The following CFAP20DC variants were observed in gnomAD, a reference collection of about 807,000 sequenced individuals.
The protein encoded by CFAP20DC is CFAP20 domain containing.
A neutral mutation model predicts 101.7 loss-of-function variants in CFAP20DC; 84 were observed. That is an observed-to-expected ratio of 0.83 (90% CI 0.69 to 0.99). CFAP20DC has a LOEUF of 0.99. Ranked by LOEUF, CFAP20DC falls within the 50% of genes least tolerant of loss-of-function variation. CFAP20DC has a pLI of 0.00. For synonymous variants in CFAP20DC, 359 were observed against 351.2 expected (o/e 1.02, Z -0.25); for missense variants, 1,007 against 970.3 (o/e 1.04, Z -0.50).
chr3:58,734,030 T>A (rs771117633), intron 3 of CFAP20DC, among the ~76,000 whole-genome samples: 1 of 152,154 alleles, frequency 6.6e-6, no homozygotes, highest in African/African-American at 2.4e-5. Flanking sequence ...GGGAGGTGAT[T>A]GGTCATGGGG....
At chr3:58,870,555 C>T (rs2080084857) in intron 7 of CFAP20DC, among the ~76,000 whole-genome samples, 1 of 151,572 alleles carries the variant, frequency 6.6e-6, no homozygotes, top group African/African-American at 2.4e-5. Flanking sequence ...TTATACTCAC[C>T]ATCATTTGAG....
At position 59,013,764 on chromosome 3, in the gene CFAP20DC, G is replaced by C. The variant is rs377103983; in HGVS notation, c.278+25793C>G. 3.9e-5 allele frequency among the ~76,000 whole-genome samples: 6 copies of C among 152,144 alleles called. No homozygotes were observed. In the South Asian group the frequency reaches 6.2e-4, roughly 16 times the overall value. ...TTGCAAAGAGGTAACAAAATTCACAGAACTAAGCATTTAACAATTGGCTAC... is the reference window on the plus strand; with the variant it reads ...TTGCAAAGAGGTAACAAAATTCACACAACTAAGCATTTAACAATTGGCTAC... On this transcript the variant is annotated intron_variant, in intron 4 of 16. Coordinates refer to ENST00000482387, the MANE Select transcript of CFAP20DC (RefSeq NM_001394063.1).
rs757899307 is a variant in CFAP20DC at position 58,937,764 on chromosome 3, T to G, written c.279-2A>C. 6.7e-7 allele frequency: 1 copy of G among 1,492,908 alleles called. No individual in the cohort carries two copies. Among genetic ancestry groups the G allele is most frequent in the Admixed American group, 1.7e-5 (1 of 59,622 alleles). 92.5% of individuals were successfully genotyped at this position (1,492,908 alleles called of 1,614,324 possible). The stretch of plus-strand genomic sequence containing the variant: ...TTGATGTTCCCTAAATCAGTAATTC[T>G]GAAAACATGGAGGAGAGAAGACAGA... On this transcript the variant is annotated splice_acceptor_variant, in intron 4 of 16. Transcript: ENST00000482387. LOFTEE classifies it high-confidence loss of function.
chr3:58,756,082 T>C (rs985054818), intron 15 of CFAP20DC, among the ~76,000 whole-genome samples: 2 of 152,202 alleles, frequency 1.3e-5, no homozygotes, highest in African/African-American at 4.8e-5. Context: ...ATGGCAGAGT[T>C]AAGTAATTTA....
At chr3:58,910,414 T>C (rs2084032537) in intron 6 of CFAP20DC, among the ~76,000 whole-genome samples, 1 of 152,202 alleles carries the variant, frequency 6.6e-6, no homozygotes, top group South Asian at 2.1e-4. Flanking sequence ...TAATTTTTCC[T>C]TAGACTTTTA....
chr3:58,910,347 T>A (rs186905284), intron 6 of CFAP20DC, among the ~76,000 whole-genome samples: 2 of 152,298 alleles, frequency 1.3e-5, no homozygotes, highest in Non-Finnish European at 2.9e-5. Flanking sequence ...GCCTTGTATC[T>A]TCATTCTGCA....
At chr3:58,851,218 A>G (rs1402109490) in intron 12 of CFAP20DC, among the ~76,000 whole-genome samples, 1 of 152,182 alleles carries the variant, frequency 6.6e-6, no homozygotes. Flanking sequence ...ATGACACACA[A>G]TAGAAGGCAT....
At chr3:58,817,324 A>C (rs1173802724) in intron 14 of CFAP20DC, among the ~76,000 whole-genome samples, 1 of 152,202 alleles carries the variant, frequency 6.6e-6, no homozygotes, top group Non-Finnish European at 1.5e-5. Flanking sequence ...AGAAAGCTTC[A>C]GACGATCAAA....
At chr3:58,809,507 G>A (rs2074419050) in intron 14 of CFAP20DC, among the ~76,000 whole-genome samples, 1 of 152,002 alleles carries the variant, frequency 6.6e-6, no homozygotes, top group African/African-American at 2.4e-5. Flanking sequence ...AAACCAACGA[G>A]AACAAAGACA....
At chr3:58,963,190 T>TGTGTGTG (rs2091283461) in intron 4 of CFAP20DC, among the ~76,000 whole-genome samples, 24 of 118,300 alleles carry the variant, frequency 2.0e-4, no homozygotes, top group East Asian at 1.1e-3. Context: ...GTTCAGTAGT[T>TGTGTGTG]TGTGTGTGTG....
At chr3:58,825,444 T>A (rs1347563417) in intron 14 of CFAP20DC, among the ~76,000 whole-genome samples, 1 of 152,144 alleles carries the variant, frequency 6.6e-6, no homozygotes, top group Non-Finnish European at 1.5e-5. Flanking sequence ...AGCTGGAATT[T>A]GAGCCCAGGT....
At chr3:58,896,715 A>G (rs1223839205) in intron 6 of CFAP20DC, among the ~76,000 whole-genome samples, 1 of 152,034 alleles carries the variant, frequency 6.6e-6, no homozygotes, top group Non-Finnish European at 1.5e-5. Context: ...CTTAATTTTG[A>G]GTTCTAATTT....
chr3:59,040,379 C>G (rs1250198883), intron 3 of CFAP20DC, among the ~76,000 whole-genome samples: 4 of 152,012 alleles, frequency 2.6e-5, no homozygotes, highest in African/African-American at 9.7e-5. Context: ...GATCTGTTCA[C>G]TTAATGCCTT....
At chr3:58,965,001 T>C (rs1290701657) in intron 4 of CFAP20DC, among the ~76,000 whole-genome samples, 1 of 152,242 alleles carries the variant, frequency 6.6e-6, no homozygotes, top group African/African-American at 2.4e-5. Context: ...CATTTTCATT[T>C]CTTTGCTTAC....
At chr3:58,819,418 G>A (rs1355924397) in intron 14 of CFAP20DC, among the ~76,000 whole-genome samples, 1 of 151,656 alleles carries the variant, frequency 6.6e-6, no homozygotes, top group Non-Finnish European at 1.5e-5. Flanking sequence ...GAAAAAAAGA[G>A]AGAAGAATCA....
intron 4 of CFAP20DC, among the ~76,000 whole-genome samples, chr3:58,951,317 A>T (rs1156934588): frequency 6.6e-6 from 1 of 152,220 alleles, no homozygotes; most frequent in Non-Finnish European, 1.5e-5. Flanking sequence ...TGGGACTGTA[A>T]ACTAGTTCAA....
chr3:58,720,671 C>T (rs2067459482), intron 3 of CFAP20DC, among the ~76,000 whole-genome samples: 1 of 152,210 alleles, frequency 6.6e-6, no homozygotes, highest in African/African-American at 2.4e-5. Flanking sequence ...CTAGGCATTA[C>T]AGCTCGGACT....
At chr3:58,790,239 T>G (rs964675064) in intron 15 of CFAP20DC, among the ~76,000 whole-genome samples, 1 of 152,228 alleles carries the variant, frequency 6.6e-6, no homozygotes, top group Non-Finnish European at 1.5e-5. Flanking sequence ...ATGGCTCAGT[T>G]TGTCTGTTTT....
chr3:58,861,993 A>T lies in CFAP20DC; in HGVS notation c.1593+1565T>A. ...AAAGCATTAAGTGATATCAAATTAA[A>T]ATATTCAGAGCTAGTATTCTTCATT... On this transcript the variant is annotated intron_variant, in intron 12 of 16. Transcript: ENST00000482387. The surrounding 1 kb of genome is among the most constrained non-coding windows in gnomAD (Gnocchi z 4.0). 1 of 985,402 alleles carries T rather than the reference A, an allele frequency of 1.0e-6. No homozygotes were observed. The highest frequency in any genetic ancestry group is 1.2e-6 in the Non-Finnish European group (1 of 829,858). The allele number at this position is 985,402 out of a possible 1,614,324, so 61.0% of individuals were successfully genotyped here.
Sources: gnomAD v4.1 joint callset for allele counts (sites outside exome capture counted in the v4.1 genomes callset) on GRCh38, gnomAD v4.1.1 for gene constraint, Gnocchi (gnomAD v3.1) non-coding constraint, MANE v1.5 for transcripts, NCBI Gene and HGNC (gene_info 2026-07-23, HGNC 2026-07-21) for gene names.